Variants in MAP3K19 observed in about 807,000 individuals in gnomAD.
MAP3K19 encodes the protein SPS1/STE20-related protein kinase YSK4.
A neutral mutation model predicts 114.4 loss-of-function variants in MAP3K19; 91 were observed. That is an observed-to-expected ratio of 0.80 (90% CI 0.67 to 0.95). MAP3K19 has a LOEUF of 0.95. MAP3K19 is among the 40% of genes least tolerant of loss of function. The pLI is 0.00. For missense variants in MAP3K19, 1,471 were observed against 1,573.2 expected (o/e 0.94, Z 1.10); for synonymous variants, 518 against 530.5 (o/e 0.98, Z 0.32).
intron 1 of MAP3K19, among the ~76,000 whole-genome samples, chr2:135,044,221 T>C (rs1315995324): frequency 6.6e-6 from 1 of 152,206 alleles, no homozygotes; most frequent in Non-Finnish European, 1.5e-5. Context: ...CCCTATTCTA[T>C]AGATGAGGAA....
In MAP3K19 at chr2:134,984,804, T is replaced by C. The variant is rs1684976436; in HGVS notation, c.3073-979A>G. Among the ~76,000 whole-genome samples, 4 of 152,022 alleles carry C rather than the reference T, an allele frequency of 2.6e-5. No individual in the cohort carries two copies. In the South Asian group the frequency reaches 8.3e-4, roughly 32 times the overall value. On this transcript the variant is annotated intron_variant, in intron 10 of 12. Transcript: ENST00000392915. ...CCGTCTCTACTAAAAATACAAAAATTATCCAGGCGTGGTGGTGAGTGCCTG... is the reference window on the plus strand; with the variant it reads ...CCGTCTCTACTAAAAATACAAAAATCATCCAGGCGTGGTGGTGAGTGCCTG...
chr2:134,987,407 A>G lies in MAP3K19; in HGVS notation c.1465T>C (p.Phe489Leu), dbSNP rs1403213617. 6.2e-7 allele frequency: 1 copy of G among 1,614,152 alleles called. No individual in the cohort carries two copies. Among genetic ancestry groups the G allele is most frequent in the Non-Finnish European group, 8.5e-7 (1 of 1,180,022 alleles). The change falls in exon 10 of 13, where the codon TTC becomes CTC. Residue 489 changes from phenylalanine to leucine, a missense_variant. By Grantham distance (22) the Phe-to-Leu change is conservative. Transcript: ENST00000392915. ...SRMVPLIHIT[F>L]PVDGSPKEPV... ...TCCTTGGGGCTTCCATCCACAGGGAAGGTGATGTGGATAAGAGGCACCATC... is the reference window on the plus strand; with the variant it reads ...TCCTTGGGGCTTCCATCCACAGGGAGGGTGATGTGGATAAGAGGCACCATC...
At chr2:135,041,571 T>G (rs1688646274) in intron 1 of MAP3K19, among the ~76,000 whole-genome samples, 1 of 152,088 alleles carries the variant, frequency 6.6e-6, no homozygotes, top group Non-Finnish European at 1.5e-5. Flanking sequence ...TCAGGTGATC[T>G]GCCCACTTTG....
At chr2:135,033,548 C>G (rs1228972963) in intron 2 of MAP3K19, among the ~76,000 whole-genome samples, 1 of 23,426 alleles carries the variant, frequency 4.3e-5, no homozygotes, top group Non-Finnish European at 6.9e-5. Flanking sequence ...CCTCACCTCC[C>G]GGACGGGGCG....
At chr2:135,022,613 C>A (rs1235487960) in intron 4 of MAP3K19, among the ~76,000 whole-genome samples, 1 of 152,184 alleles carries the variant, frequency 6.6e-6, no homozygotes, top group Non-Finnish European at 1.5e-5. Flanking sequence ...AGGATAATTT[C>A]TGCACAATTT....
chr2:134,996,508 A>G (rs796546660), intron 8 of MAP3K19, among the ~76,000 whole-genome samples: 1 of 152,276 alleles, frequency 6.6e-6, no homozygotes, highest in South Asian at 2.1e-4. Context: ...GTTGTAGGTA[A>G]GGTCAGGATC....
chr2:135,037,436 G>A (rs62168938), intron 2 of MAP3K19, among the ~76,000 whole-genome samples: 6,370 of 152,268 alleles, frequency 0.042, 160 homozygotes, highest in African/African-American at 0.056. Flanking sequence ...TTCATTGAAT[G>A]TTATATGAGA....
At chr2:135,016,263 T>C (rs890644050) in intron 5 of MAP3K19, among the ~76,000 whole-genome samples, 5 of 152,208 alleles carry the variant, frequency 3.3e-5, no homozygotes, top group Admixed American at 3.3e-4. Context: ...TCAACATGCA[T>C]ATTGTTTTGT....
rs1685122942 is a variant in MAP3K19 at position 134,986,554 on chromosome 2, C to T, written c.2318G>A (p.Gly773Glu). 6.2e-7 allele frequency: 1 copy of T among 1,614,154 alleles called. No individual in the cohort carries two copies. The highest frequency in any genetic ancestry group is 1.1e-5 in the South Asian group (1 of 91,064). Residue 773 changes from glycine (G) to glutamate (E), a missense_variant, in exon 10 of 13, where the codon GGA becomes GAA. Physicochemically the swap from Gly to Glu is moderately conservative, Grantham distance 98. Transcript: ENST00000392915. ...SEPDWQIKSS[G>E]NEFLSSKDEI... is the part of the protein sequence containing the mutation. ...ATCTTTGGAAGATAGAAACTCATTT[C>T]CTGAAGACTTTATCTGCCAGTCTGG...
At chr2:135,025,692 T>G (rs2105381233) in intron 3 of MAP3K19, among the ~76,000 whole-genome samples, 1 of 152,314 alleles carries the variant, frequency 6.6e-6, no homozygotes, top group African/African-American at 2.4e-5. Flanking sequence ...AGCCCCCACA[T>G]GGCCTTTTCA....
chr2:135,027,365 G>A (rs1255629820), intron 3 of MAP3K19, among the ~76,000 whole-genome samples: 2 of 140,508 alleles, frequency 1.4e-5, no homozygotes, highest in Non-Finnish European at 1.5e-5. Flanking sequence ...AAGAAAGAAA[G>A]AGAGAGAGAA....
rs570348521 is a variant in MAP3K19 at position 135,030,149 on chromosome 2, C to T, written c.-95+163G>A. 6.0e-4 allele frequency among the ~76,000 whole-genome samples: 91 copies of T among 152,300 alleles called. 1 individual carries two copies. Among genetic ancestry groups the T allele is most frequent in the Non-Finnish European group, 1.3e-3 (87 of 68,032 alleles). ...TCTTTTATTATCTTGTTTTCCACCC[C>T]AGTGTCCTGTTTGATCCCCTTTCTT... On this transcript the variant is annotated intron_variant, in intron 3 of 12. Transcript: ENST00000392915.
intron 12 of MAP3K19, among the ~76,000 whole-genome samples, chr2:134,979,009 C>A (rs746251519): frequency 6.6e-6 from 1 of 152,140 alleles, no homozygotes; most frequent in Non-Finnish European, 1.5e-5. Flanking sequence ...CTCAGCTTCC[C>A]CAAGTTCATT....
At chr2:134,965,972 G>C (rs754798405) in intron 12 of MAP3K19, among the ~76,000 whole-genome samples, 62 of 152,130 alleles carry the variant, frequency 4.1e-4, no homozygotes, top group Non-Finnish European at 6.5e-4. Flanking sequence ...ACATAAGAGA[G>C]AACGTGGTAT....
chr2:134,979,651 T>G (rs1201425140), intron 12 of MAP3K19, among the ~76,000 whole-genome samples: 1 of 150,150 alleles, frequency 6.7e-6, no homozygotes, highest in Non-Finnish European at 1.5e-5. Flanking sequence ...GTTTTTTTTT[T>G]TTTTTTTTTT....
chr2:134,989,952 G>A (rs1163770356), intron 9 of MAP3K19, among the ~76,000 whole-genome samples: 2 of 151,922 alleles, frequency 1.3e-5, no homozygotes, highest in Non-Finnish European at 2.9e-5. Context: ...TGTGGTGGCA[G>A]GTGCCTGTAA....
Position 134,987,236 on chromosome 2 carries a change from T to C in MAP3K19, c.1636A>G (p.Lys546Glu), listed in dbSNP as rs1170679163. The C allele has an allele frequency of 5.0e-6, 8 of 1,614,198 alleles. No individual in the cohort carries two copies. Among genetic ancestry groups the C allele is most frequent in the Non-Finnish European group, 5.9e-6 (7 of 1,180,024 alleles). ...ATCACAAAATTCTGAGGTGTCTTCT[T>C]ACTTGTCTTGGTCTTTGAATCCAAC... ...SKLDSKTKTSKKTPQNFVIST... is the reference protein window; with the variant it reads ...SKLDSKTKTSEKTPQNFVIST... The change falls in exon 10 of 13, where the codon AAG becomes GAG. Residue 546 changes from lysine to glutamate, a missense_variant. Coordinates refer to ENST00000392915, the MANE Select transcript of MAP3K19 (RefSeq NM_025052.5).
intron 12 of MAP3K19, among the ~76,000 whole-genome samples, chr2:134,977,488 G>A (rs560292649): frequency 1.6e-4 from 23 of 142,636 alleles, no homozygotes; most frequent in East Asian, 8.7e-4. Flanking sequence ...TCAGCCTCCC[G>A]AGTAGCTGGG....
intron 10 of MAP3K19, among the ~76,000 whole-genome samples, chr2:134,985,371 C>T (rs183772351): frequency 4.3e-4 from 66 of 152,282 alleles, no homozygotes; most frequent in Non-Finnish European, 6.2e-4. Flanking sequence ...TCATGTCTTC[C>T]TATGAACAAA....
Sources: gnomAD v4.1 joint callset for allele counts (sites outside exome capture counted in the v4.1 genomes callset) on GRCh38, gnomAD v4.1.1 for gene constraint, MANE v1.5 for transcripts, NCBI Gene and HGNC (gene_info 2026-07-23, HGNC 2026-07-21) for gene names.